LPIN1: variants seen among roughly 807,000 people sequenced by gnomAD.
The protein encoded by LPIN1 is phosphatidate phosphatase LPIN1.
Under a neutral mutation model 107.5 loss-of-function variants are expected in LPIN1, and 71 were observed. The observed-to-expected ratio is 0.66, with a 90% CI of 0.55 to 0.80. The LOEUF (loss-of-function observed/expected upper bound fraction) is 0.80. Ranked by LOEUF, LPIN1 falls within the 30% of genes least tolerant of loss-of-function variation. The pLI, the probability that LPIN1 is intolerant of heterozygous loss-of-function variation, is 0.00. For missense variants in LPIN1, 1,043 were observed against 1,160.6 expected (o/e 0.90, Z 1.47); for synonymous variants, 445 against 452.6 (o/e 0.98, Z 0.21).
Position 11,820,325 on chromosome 2 carries a change from T to C in LPIN1, c.2518-86T>C. 3 of 851,900 alleles carry C rather than the reference T, an allele frequency of 3.5e-6. No individual in the cohort carries two copies. In the South Asian group the frequency reaches 4.2e-5, roughly 12 times the overall value. 52.8% of individuals were successfully genotyped at this position (851,900 alleles called of 1,614,324 possible). A position where few individuals can be genotyped will look rare whatever the true frequency, so the allele number is the denominator to read the frequency against. The stretch of plus-strand genomic sequence containing the variant: ...AGCTCTGGTTAATGAAAATTTGATA[T>C]CTCATCAAATCAGAAATACCATGGA... On this transcript the variant is annotated intron_variant, in intron 19 of 20. Coordinates refer to ENST00000674199, the MANE Select transcript of LPIN1 (RefSeq NM_001349206.2).
chr2:11,761,497 CG>C (rs1669826611), intron 1 of LPIN1, among the ~76,000 whole-genome samples: 1 of 152,112 alleles, frequency 6.6e-6, no homozygotes, highest in Non-Finnish European at 1.5e-5. Context: ...CTTGTTTCCT[CG>C]GTTGAGAGAG....
chr2:11,774,173 A>T lies in LPIN1; in HGVS notation c.722+428A>T, dbSNP rs1051004324. Among the ~76,000 whole-genome samples the T allele has an allele frequency of 6.6e-6, 1 of 152,188 alleles. No homozygotes were observed. The highest frequency in any genetic ancestry group is 2.4e-5 in the African/African-American group (1 of 41,446). On this transcript the variant is annotated intron_variant, in intron 5 of 20. Transcript: ENST00000674199. The surrounding 1 kb of genome is among the most constrained non-coding windows in gnomAD (Gnocchi z 4.4). ...CTTAATCCATTCTGCCGAATTCAAG[A>T]ATATTTATTTCCCTGAAATGAACTC...
At chr2:11,729,412 TTCC>T (rs1221309840) in intron 1 of LPIN1, among the ~76,000 whole-genome samples, 2 of 152,252 alleles carry the variant, frequency 1.3e-5, no homozygotes, top group Non-Finnish European at 1.5e-5. Flanking sequence ...TCCCAAGTCT[TTCC>T]TCCAATCCTG....
chr2:11,751,694 T>C (rs749189054), intron 1 of LPIN1, among the ~76,000 whole-genome samples: 43 of 152,110 alleles, frequency 2.8e-4, no homozygotes, highest in African/African-American at 9.6e-4. Context: ...CTACTAAAAA[T>C]ACAAAAAAAT....
In LPIN1 at chr2:11,725,280, AAAAC is replaced by A. The variant is rs550383311; in HGVS notation, c.-72+755_-72+758del. On this transcript the variant is annotated intron_variant, in intron 1 of 21. Transcript: ENST00000396097. ...CGTCTCAAAAACAAAAACAAAAACA[AAAAC>A]AAACAAACAAACATGTGGAATGCTA... 4.0e-5 allele frequency among the ~76,000 whole-genome samples: 6 copies of A among 151,854 alleles called. No homozygotes were observed. The South Asian group carries it at 6.2e-4, about 16-fold the overall frequency.
intron 17 of LPIN1, chr2:11,805,360 C>A (rs1470530598): frequency 3.1e-6 from 2 of 645,388 alleles, no homozygotes; most frequent in Non-Finnish European, 5.6e-6. Flanking sequence ...AATTCAATAC[C>A]AAGAAACAAG....
At chr2:11,781,140 A>G (rs956064016) in intron 7 of LPIN1, among the ~76,000 whole-genome samples, 1 of 152,218 alleles carries the variant, frequency 6.6e-6, no homozygotes, top group Non-Finnish European at 1.5e-5. Flanking sequence ...GAGTGAGTGA[A>G]TGACTATTGA....
intron 1 of LPIN1, among the ~76,000 whole-genome samples, chr2:11,749,627 C>T (rs1667485483): frequency 1.3e-5 from 2 of 152,292 alleles, no homozygotes; most frequent in South Asian, 4.1e-4. Flanking sequence ...TGACACTTTT[C>T]ACAATGAGGT....
At chr2:11,824,518 G>A (rs1302545656) in intron 20 of LPIN1, 114 bp from the exon 21 acceptor site, 23 of 971,138 alleles carry the variant, frequency 2.4e-5, no homozygotes, top group African/African-American at 3.2e-5. Flanking sequence ...GAGTCGTGTC[G>A]ATAAGTAGGC....
chr2:11,746,602 G>T (rs1015018083), upstream of LPIN1: 1 of 984,726 alleles, frequency 1.0e-6, no homozygotes, highest in Non-Finnish European at 1.2e-6. Context: ...CCCCGAAGGC[G>T]AGCTGCGCTG....
chr2:11,755,455 T>C (rs1668529276), intron 1 of LPIN1, among the ~76,000 whole-genome samples: 1 of 152,172 alleles, frequency 6.6e-6, no homozygotes, highest in Admixed American at 6.5e-5. Flanking sequence ...TGAGCAAGCC[T>C]CGTCCCTGTC....
At chr2:11,738,843 GT>G (rs1666051314) in intron 1 of LPIN1, among the ~76,000 whole-genome samples, 1 of 152,212 alleles carries the variant, frequency 6.6e-6, no homozygotes, top group African/African-American at 2.4e-5. Context: ...CTTCAGCTGA[GT>G]ACTGGTCTGC....
At chr2:11,713,332 A>G (rs1663525926) in intron 1 of LPIN1, among the ~76,000 whole-genome samples, 1 of 152,190 alleles carries the variant, frequency 6.6e-6, no homozygotes, top group Non-Finnish European at 1.5e-5. Flanking sequence ...GTGAAGTGGC[A>G]CTATCTCGGC....
At chr2:11,741,544 C>T (rs921927004) in intron 2 of LPIN1, 1 of 779,146 alleles carries the variant, frequency 1.3e-6, no homozygotes. Flanking sequence ...CAAACATTGC[C>T]ACTCGAGCTC....
chr2:11,751,606 A>C (rs996370121), intron 1 of LPIN1, among the ~76,000 whole-genome samples: 1 of 152,208 alleles, frequency 6.6e-6, no homozygotes, highest in Admixed American at 6.5e-5. Flanking sequence ...TAATCCCAGC[A>C]CTTTCGGAGG....
intron 1 of LPIN1, among the ~76,000 whole-genome samples, chr2:11,690,947 T>C (rs1474919902): frequency 6.6e-6 from 1 of 152,180 alleles, no homozygotes; most frequent in African/African-American, 2.4e-5. Context: ...TTCAATAACC[T>C]GATAATGACT....
chr2:11,822,448 TA>T (rs879659668), intron 20 of LPIN1, among the ~76,000 whole-genome samples: 207 of 131,730 alleles, frequency 1.6e-3, no homozygotes, highest in Admixed American at 1.6e-3. Flanking sequence ...AGACTCCATC[TA>T]AAAAAAAAAA....
intron 1 of LPIN1, among the ~76,000 whole-genome samples, chr2:11,684,500 C>G (rs1572298320): frequency 6.6e-6 from 1 of 152,186 alleles, no homozygotes; most frequent in East Asian, 1.9e-4. Context: ...AAGGAAGAAC[C>G]AGAGTAACAC....
rs1037251919 is a variant in LPIN1, at chr2:11,697,635, G to A, written c.82-16121G>A. On this transcript the variant is annotated intron_variant, in intron 1 of 21. Transcript: ENST00000449576. This position sits in a 1 kb window ranked among gnomAD's most constrained non-coding sequence, Gnocchi z 4.6. Reference sequence around the variant, plus strand: ...CCTGGCCTGGGGACAGGGAAAGGACGCCCATTCATTGGCAGGGTGAGTGGA... The same window carrying A: ...CCTGGCCTGGGGACAGGGAAAGGACACCCATTCATTGGCAGGGTGAGTGGA... Among the ~76,000 whole-genome samples, 10 of 152,202 alleles carry A rather than the reference G, an allele frequency of 6.6e-5. No homozygotes were observed. The highest frequency in any genetic ancestry group is 3.8e-4 in the East Asian group (2 of 5,196).
Sources: allele counts gnomAD v4.1 joint callset (sites outside exome capture counted in the v4.1 genomes callset), GRCh38; gene constraint gnomAD v4.1.1; non-coding constraint Gnocchi (gnomAD v3.1); transcripts MANE v1.5; gene names NCBI Gene and HGNC (gene_info 2026-07-23, HGNC 2026-07-21).